ADAM7: variants seen among roughly 807,000 people sequenced by gnomAD.
The protein encoded by ADAM7 is disintegrin and metalloproteinase domain-containing protein 7.
Under a neutral mutation model 102.9 loss-of-function variants are expected in ADAM7, and 97 were observed. The observed-to-expected ratio is 0.94, with a 90% CI of 0.80 to 1.12. ADAM7 has a LOEUF of 1.12. ADAM7 is among the 50% of genes most tolerant of loss of function. ADAM7 has a pLI of 0.00. For synonymous variants in ADAM7, 334 were observed against 304.4 expected (o/e 1.10, Z -1.01); for missense variants, 991 against 908.7 (o/e 1.09, Z -1.16).
In ADAM7 at chr8:24,442,546, T is replaced by C; in HGVS notation, c.126T>C (p.Asp42=). ...PKKLPLIQKR[D]TGHTHDDDIL... ...AGCTTCCTCTGATACAGAAGCGAGATACTGGACACACCCATGATGATGACA... is the reference window on the plus strand; with the variant it reads ...AGCTTCCTCTGATACAGAAGCGAGACACTGGACACACCCATGATGATGACA... Residue 42 remains aspartate (D), a synonymous_variant, in exon 2 of 22, where the codon GAT becomes GAC. Transcript: ENST00000175238. 6.2e-7 allele frequency: 1 copy of C among 1,614,076 alleles called. No homozygotes were observed. The highest frequency in any genetic ancestry group is 1.1e-5 in the South Asian group (1 of 91,076).
At chr8:24,491,788 C>G in intron 13 of ADAM7, 115 bp from the exon 14 acceptor site, 1 of 707,756 alleles carries the variant, frequency 1.4e-6, no homozygotes, top group South Asian at 2.3e-5. Context: ...GAGAAGGAAG[C>G]TATGATCCAT....
At chr8:24,487,116 C>G in intron 10 of ADAM7, 71 bp from the exon 11 acceptor site, 1 of 1,474,520 alleles carries the variant, frequency 6.8e-7, no homozygotes, top group Non-Finnish European at 9.1e-7. Context: ...CTTTCAACCA[C>G]TAGTTTGAAG....
chr8:24,490,635 C>G (rs1272016169), intron 12 of ADAM7, 164 bp from the exon 13 acceptor site: 3 of 634,566 alleles, frequency 4.7e-6, no homozygotes, highest in African/African-American at 3.7e-5. Context: ...GTTAAAGTCC[C>G]AAATACCCGT....
At chr8:24,476,353 G>A in intron 7 of ADAM7, 80 bp from the exon 8 acceptor site, 6 of 1,056,438 alleles carry the variant, frequency 5.7e-6, no homozygotes, top group Non-Finnish European at 8.2e-6. Flanking sequence ...CTTTGTAATA[G>A]CTGATGAATG....
chr8:24,458,331 T>G (rs1020529467), intron 3 of ADAM7, among the ~76,000 whole-genome samples: 1 of 152,240 alleles, frequency 6.6e-6, no homozygotes, highest in African/African-American at 2.4e-5. Context: ...TCTACTTTAA[T>G]GTTTATCAAC....
chr8:24,450,962 G>C (rs1818761726), intron 3 of ADAM7, among the ~76,000 whole-genome samples: 1 of 152,058 alleles, frequency 6.6e-6, no homozygotes, highest in South Asian at 2.1e-4. Context: ...TTATTGATTT[G>C]CGTATATTGA....
At chr8:24,452,490 T>C (rs1351576670) in intron 3 of ADAM7, among the ~76,000 whole-genome samples, 1 of 151,886 alleles carries the variant, frequency 6.6e-6, no homozygotes, top group Non-Finnish European at 1.5e-5. Flanking sequence ...TTTTTTTGTT[T>C]TCCGTTTGTT....
chr8:24,500,369 T>A, intron 18 of ADAM7, 113 bp downstream of exon 18: 1 of 955,336 alleles, frequency 1.0e-6, no homozygotes, highest in East Asian at 2.5e-5. Context: ...TGGATTTGTA[T>A]GGTCTTCATA....
At position 24,443,163 on chromosome 8, in the gene ADAM7, T is replaced by C. The variant is rs530110967; in HGVS notation, c.156+587T>C. Reference sequence around the variant, plus strand: ...ATAAAAGACATTAGATGAATGTCCTTAGGTATTTATCATTAGGCACTTGAT... The same window carrying C: ...ATAAAAGACATTAGATGAATGTCCTCAGGTATTTATCATTAGGCACTTGAT... On this transcript the variant is annotated intron_variant, in intron 2 of 21. Transcript: ENST00000175238. 3.3e-5 allele frequency among the ~76,000 whole-genome samples: 5 copies of C among 152,304 alleles called. No individual in the cohort carries two copies. In the East Asian group the frequency reaches 5.8e-4, roughly 18 times the overall value.
intron 3 of ADAM7, among the ~76,000 whole-genome samples, chr8:24,447,718 G>C (rs929009714): frequency 1.3e-5 from 2 of 152,122 alleles, no homozygotes; most frequent in African/African-American, 4.8e-5. Flanking sequence ...TAATTGCAAT[G>C]TCTATAACTT....
Position 24,487,188 on chromosome 8 carries a change from A to T in ADAM7, c.962A>T (p.Asp321Val). Residue 321 changes from aspartate to valine, a missense_variant and splice_region_variant, in exon 11 of 22, where the codon GAT (aspartate) becomes GTT (valine). By Grantham distance (152) the Asp-to-Val change is radical. Transcript: ENST00000175238. ...CTAATGCAATTGTTTTATCATCAGGATCTTTTACCTGACACAAACATAATT... is the reference window on the plus strand; with the variant it reads ...CTAATGCAATTGTTTTATCATCAGGTTCTTTTACCTGACACAAACATAATT... The part of the protein sequence containing the change: ...LPYYSTSIIK[D>V]LLPDTNIIAN... The T allele has an allele frequency of 6.2e-7, 1 of 1,613,328 alleles. No individual in the cohort carries two copies. The highest frequency in any genetic ancestry group is 8.5e-7 in the Non-Finnish European group (1 of 1,179,576).
At chr8:24,507,592 T>A (rs2129399232) in intron 21 of ADAM7, 57 bp downstream of exon 21, 2 of 1,385,076 alleles carry the variant, frequency 1.4e-6, no homozygotes, top group Non-Finnish European at 2.1e-6. Context: ...GCTGGCATAG[T>A]TTTGTGTTCT....
At chr8:24,445,323 G>T (rs1481882558) in intron 2 of ADAM7, among the ~76,000 whole-genome samples, 1 of 152,140 alleles carries the variant, frequency 6.6e-6, no homozygotes, top group African/African-American at 2.4e-5. Flanking sequence ...TAATTTTATT[G>T]TTCAACTTGC....
chr8:24,462,027 CTTCA>C (rs1201359477), intron 3 of ADAM7, among the ~76,000 whole-genome samples: 1 of 152,126 alleles, frequency 6.6e-6, no homozygotes, highest in Non-Finnish European at 1.5e-5. Context: ...TTTCATGTTT[CTTCA>C]TTGTGTAAAT....
intron 3 of ADAM7, among the ~76,000 whole-genome samples, chr8:24,453,355 T>C (rs1028620879): frequency 2.8e-4 from 42 of 152,166 alleles, no homozygotes; most frequent in African/African-American, 9.9e-4. Context: ...CATTTCTTTT[T>C]ATTCTTTTTT....
intron 3 of ADAM7, among the ~76,000 whole-genome samples, chr8:24,449,630 C>T (rs1361823120): frequency 6.6e-6 from 1 of 152,124 alleles, no homozygotes; most frequent in Non-Finnish European, 1.5e-5. Flanking sequence ...GTTTCTTTTG[C>T]TGTGCAGAAG....
chr8:24,470,313 A>G (rs1819562714), intron 7 of ADAM7, among the ~76,000 whole-genome samples: 1 of 152,174 alleles, frequency 6.6e-6, no homozygotes, highest in Admixed American at 6.6e-5. Flanking sequence ...CATACTTAAA[A>G]TGTTCTATGG....
chr8:24,453,978 C>A (rs556992436), intron 3 of ADAM7, among the ~76,000 whole-genome samples: 1 of 152,182 alleles, frequency 6.6e-6, no homozygotes, highest in South Asian at 2.1e-4. Context: ...TTTTGTGAAC[C>A]GCGAATGCTG....
Position 24,508,704 on chromosome 8 carries a change from T to A in ADAM7, c.*158T>A. The A allele has an allele frequency of 6.8e-7, 1 of 1,462,748 alleles. No individual in the cohort carries two copies. The highest frequency in any genetic ancestry group is 9.1e-7 in the Non-Finnish European group (1 of 1,103,400). 90.6% of individuals were successfully genotyped at this position (1,462,748 alleles called of 1,614,324 possible). On this transcript the variant is annotated 3_prime_UTR_variant, in exon 22 of 22. Transcript: ENST00000175238. ...GACAATGTTTAAGAGAAACAACTTA[T>A]TTCTGTTAATATTTACCGGTAGAAT...
Sources: gnomAD v4.1 joint callset for allele counts (sites outside exome capture counted in the v4.1 genomes callset) on GRCh38, gnomAD v4.1.1 for gene constraint, MANE v1.5 for transcripts, NCBI Gene and HGNC (gene_info 2026-07-23, HGNC 2026-07-21) for gene names.